The following PHAF1 variants were observed in gnomAD, a reference collection of about 807,000 sequenced individuals.
PHAF1 encodes the protein phagosome assembly factor 1.
A neutral mutation model predicts 63.1 loss-of-function variants in PHAF1; 23 were observed. The ratio of observed to expected loss-of-function variants is 0.36; its 90% CI spans 0.26 to 0.52. The LOEUF is 0.52. PHAF1 is among the 20% of genes least tolerant of loss of function. PHAF1 has a pLI of 0.93. For synonymous variants in PHAF1, 167 were observed against 185.0 expected (o/e 0.90, Z 0.79); for missense variants, 427 against 517.2 (o/e 0.83, Z 1.69).
At chr16:67,132,606 C>T (rs752082096) in intron 5 of PHAF1, 81 bp downstream of exon 5, 1 of 1,437,082 alleles carries the variant, frequency 7.0e-7, no homozygotes, top group Admixed American at 1.7e-5. Context: ...CATCCCACCC[C>T]ACTTCCTGGA....
chr16:67,118,763 A>G (rs1962854604), intron 1 of PHAF1, among the ~76,000 whole-genome samples: 1 of 144,808 alleles, frequency 6.9e-6, no homozygotes, highest in Non-Finnish European at 1.5e-5. Context: ...GAGTGATCTT[A>G]AACTTTTTTT....
intron 10 of PHAF1, 112 bp from the exon 11 acceptor site, chr16:67,144,182 G>A: frequency 4.3e-6 from 3 of 690,384 alleles, no homozygotes; most frequent in Non-Finnish European, 7.7e-6. Flanking sequence ...ATGCCTGCAG[G>A]CATTCTTGCT....
chr16:67,132,563 G>A (rs1963444526), intron 5 of PHAF1, 38 bp downstream of exon 5: 5 of 1,585,900 alleles, frequency 3.2e-6, no homozygotes, highest in Non-Finnish European at 4.3e-6. Flanking sequence ...GTCATCAGTG[G>A]CAGTTCATAG....
Position 67,147,091 on chromosome 16 carries a change from C to G in PHAF1, c.1229C>G (p.Pro410Arg), listed in dbSNP as rs147555291. The stretch of plus-strand genomic sequence containing the variant: ...GCCTCGGTGACCCTGTATGGCCCCC[C>G]CAGGCCTGGTAGCCACCTGAGAACA... Reference protein sequence around the residue: ...HIASVTLYGPPRPGSHLRTAE... With the variant: ...HIASVTLYGPRRPGSHLRTAE... The change falls in exon 16 of 16, where the codon CCC becomes CGC. Residue 410 changes from proline to arginine, a missense_variant. Pro to Arg is a moderately radical substitution (Grantham distance 103). Transcript: ENST00000219139. 3 of 1,614,096 alleles carry G rather than the reference C, an allele frequency of 1.9e-6. No individual in the cohort carries two copies. The highest frequency in any genetic ancestry group is 1.1e-5 in the South Asian group (1 of 91,072).
At chr16:67,118,222 C>T (rs1484572749) in intron 1 of PHAF1, among the ~76,000 whole-genome samples, 1 of 149,622 alleles carries the variant, frequency 6.7e-6, no homozygotes, top group East Asian at 2.0e-4. Context: ...ATCTGCCCTC[C>T]TCGGCCTCCC....
intron 2 of PHAF1, among the ~76,000 whole-genome samples, chr16:67,122,366 C>T (rs1963015198): frequency 6.6e-6 from 1 of 152,088 alleles, no homozygotes; most frequent in Non-Finnish European, 1.5e-5. Flanking sequence ...AACCCCAACA[C>T]TTCGGGAGGG....
intron 2 of PHAF1, among the ~76,000 whole-genome samples, chr16:67,124,208 C>T (rs1186749521): frequency 2.0e-5 from 3 of 152,178 alleles, no homozygotes; most frequent in African/African-American, 7.2e-5. Flanking sequence ...AATGTTGCTT[C>T]ACTCTGCTTA....
At chr16:67,133,500 T>C (rs1481214887) in intron 6 of PHAF1, among the ~76,000 whole-genome samples, 39 of 135,414 alleles carry the variant, frequency 2.9e-4, no homozygotes, top group African/African-American at 1.1e-3. Flanking sequence ...ACCAAAAATA[T>C]TAAAAAAAAA....
At chr16:67,123,210 C>T (rs1371728088) in intron 2 of PHAF1, among the ~76,000 whole-genome samples, 1 of 151,640 alleles carries the variant, frequency 6.6e-6, no homozygotes, top group Non-Finnish European at 1.5e-5. Context: ...CTCCTGGGCT[C>T]CAGCCGTCCT....
In PHAF1 at chr16:67,140,088, C is replaced by T. The variant is rs758527582; in HGVS notation, c.766C>T (p.His256Tyr). The T allele has an allele frequency of 1.9e-6, 3 of 1,614,034 alleles. No individual in the cohort carries two copies. Among genetic ancestry groups the T allele is most frequent in the African/African-American group, 1.3e-5 (1 of 74,912 alleles). ...QDVLSMLGSP[H>Y]KVFYKSEDKM... ...TGTTCTTAGCATGCTTGGCTCTCCA[C>T]ACAAAGTCTTCTATAAATCAGAAGA... Residue 256 changes from histidine to tyrosine, a missense_variant, in exon 9 of 16, where the codon CAC (histidine) becomes TAC (tyrosine). Coordinates refer to ENST00000219139, the MANE Select transcript of PHAF1 (RefSeq NM_025187.5).
In PHAF1 at chr16:67,120,153, T is replaced by G. The variant is rs1184947877; in HGVS notation, c.106T>G (p.Cys36Gly). The stretch of plus-strand genomic sequence containing the variant: ...GGCAGTAGCCATTCTTCAGAAGCAC[T>G]GTCGCATCATCAAAAACGTCCAGGT... Reference protein sequence around the residue: ...AQAVAILQKHCRIIKNVQVLY... With the variant: ...AQAVAILQKHGRIIKNVQVLY... Residue 36 changes from cysteine to glycine, a missense_variant, in exon 2 of 16, where the codon TGT (cysteine) becomes GGT (glycine). Physicochemically the swap from Cys to Gly is radical, Grantham distance 159. Transcript: ENST00000219139. 6.2e-7 allele frequency: 1 copy of G among 1,614,142 alleles called. No individual in the cohort carries two copies. Among genetic ancestry groups the G allele is most frequent in the Non-Finnish European group, 8.5e-7 (1 of 1,179,998 alleles).
At chr16:67,136,972 G>A (rs1427942563) in intron 8 of PHAF1, among the ~76,000 whole-genome samples, 2 of 152,132 alleles carry the variant, frequency 1.3e-5, no homozygotes, top group Non-Finnish European at 2.9e-5. Context: ...CTGACTAACG[G>A]TGAAACCCCA....
At chr16:67,134,049 G>A (rs1963517807) in intron 6 of PHAF1, 119 bp from the exon 7 acceptor site, 2 of 798,502 alleles carry the variant, frequency 2.5e-6, no homozygotes, top group Non-Finnish European at 4.2e-6. Context: ...CAGGTTTAAG[G>A]GTGTACTTTG....
At chr16:67,113,120 C>A (rs1962585960) in intron 1 of PHAF1, among the ~76,000 whole-genome samples, 1 of 152,170 alleles carries the variant, frequency 6.6e-6, no homozygotes, top group Non-Finnish European at 1.5e-5. Context: ...AGATGATAAA[C>A]AAAAGTCGCC....
chr16:67,126,623 C>T (rs192191024), intron 3 of PHAF1, among the ~76,000 whole-genome samples: 2 of 135,230 alleles, frequency 1.5e-5, no homozygotes, highest in Non-Finnish European at 3.1e-5. Flanking sequence ...GAGATGAGGT[C>T]TAGCTCTGTC....
rs180734436 is a variant in PHAF1, at chr16:67,116,217, G to A, written c.65-3895G>A. On this transcript the variant is annotated intron_variant, in intron 1 of 15. Coordinates refer to ENST00000219139, the MANE Select transcript of PHAF1 (RefSeq NM_025187.5). ...AAACATTTATTGAGTCCCTACTGTG[G>A]GCCAGGTTTTATGCTATGGAAGGCT... Among the ~76,000 whole-genome samples, 5 of 152,196 alleles carry A rather than the reference G, an allele frequency of 3.3e-5. No homozygotes were observed. In the East Asian group the frequency reaches 7.7e-4, roughly 24 times the overall value.
chr16:67,110,622 G>A (rs1962474810), intron 1 of PHAF1, among the ~76,000 whole-genome samples: 2 of 152,270 alleles, frequency 1.3e-5, no homozygotes, highest in South Asian at 4.1e-4. Flanking sequence ...AATAATGGCT[G>A]AGAAGTGGCT....
intron 1 of PHAF1, among the ~76,000 whole-genome samples, chr16:67,111,636 G>C (rs1012907897): frequency 6.6e-6 from 1 of 152,146 alleles, no homozygotes; most frequent in African/African-American, 2.4e-5. Context: ...TTGGTGTTTT[G>C]TTTTAAGACA....
At chr16:67,135,694 ACTCCTGGGCTCAATCGATCCTCC>A (rs1345117553) in intron 8 of PHAF1, 2 of 150,338 alleles carry the variant, frequency 1.3e-5, no homozygotes, top group Non-Finnish European at 3.0e-5. Context: ...ATGATCTTGA[ACTCCTGGGCTCAATCGATCCTCC>A]CTCCTTGGCT....
Sources: gnomAD v4.1 joint callset for allele counts (sites outside exome capture counted in the v4.1 genomes callset) on GRCh38, gnomAD v4.1.1 for gene constraint, MANE v1.5 for transcripts, NCBI Gene and HGNC (gene_info 2026-07-23, HGNC 2026-07-21) for gene names.